Variants in MACROD2 observed in about 807,000 individuals in gnomAD.
MACROD2 encodes mono-ADP ribosylhydrolase 2.
MACROD2 carries 36 observed loss-of-function variants against 70.4 expected under a neutral mutation model. The ratio of observed to expected loss-of-function variants is 0.51; its 90% CI spans 0.39 to 0.68. The LOEUF is 0.68. MACROD2 is among the 30% of genes least tolerant of loss of function. MACROD2 has a pLI of 0.00. For synonymous variants in MACROD2, 172 were observed against 178.8 expected (o/e 0.96, Z 0.30); for missense variants, 496 against 538.4 (o/e 0.92, Z 0.78).
At chr20:14,893,496 G>A (rs1019173983) in intron 5 of MACROD2, 6 of 151,774 alleles carry the variant, frequency 4.0e-5, no homozygotes, top group Non-Finnish European at 7.4e-5. Context: ...ATGCATACAC[G>A]GCTTTAAAAA....
At chr20:15,501,070 G>C (rs1347180086) in intron 8 of MACROD2, among the ~76,000 whole-genome samples, 1 of 152,192 alleles carries the variant, frequency 6.6e-6, no homozygotes, top group African/African-American at 2.4e-5. Context: ...ACATACTCAA[G>C]ATTGGAAAGT....
intron 7 of MACROD2, among the ~76,000 whole-genome samples, chr20:15,497,579 C>A (rs116470294): frequency 0.01 from 1,584 of 152,090 alleles, 24 homozygotes; most frequent in African/African-American, 0.036. Context: ...CGTGAGCCAC[C>A]GCACCTGGCC....
chr20:15,750,810 G>A (rs2051257461), intron 8 of MACROD2, among the ~76,000 whole-genome samples: 1 of 151,416 alleles, frequency 6.6e-6, no homozygotes, highest in African/African-American at 2.4e-5. Flanking sequence ...ATGAAATCCT[G>A]TCATTTGGGA....
intron 5 of MACROD2, among the ~76,000 whole-genome samples, chr20:15,133,079 A>T (rs1403341411): frequency 1.3e-5 from 2 of 152,092 alleles, no homozygotes; most frequent in African/African-American, 4.8e-5. Flanking sequence ...ATATATTTTT[A>T]AAAGCCTGAA....
intron 3 of MACROD2, among the ~76,000 whole-genome samples, chr20:14,086,865 G>C (rs1392589609): frequency 2.0e-5 from 3 of 152,186 alleles, no homozygotes; most frequent in Non-Finnish European, 2.9e-5. Flanking sequence ...CAAAAGGGTA[G>C]GGGTAATTTC....
In MACROD2 at chr20:13,995,927, C is replaced by T. The variant is rs1427946952; in HGVS notation, c.46+118C>T. 46 of 1,195,776 alleles carry T rather than the reference C, an allele frequency of 3.8e-5. No homozygotes were observed. Among genetic ancestry groups the T allele is most frequent in the Non-Finnish European group, 5.4e-5 (45 of 834,718 alleles). 74.1% of individuals were successfully genotyped at this position (1,195,776 alleles called of 1,614,324 possible). A position where few individuals can be genotyped will look rare whatever the true frequency, so the allele number is the denominator to read the frequency against. On this transcript the variant is annotated intron_variant, in intron 1 of 17. Transcript: ENST00000684519. The surrounding 1 kb of genome is among the most constrained non-coding windows in gnomAD (Gnocchi z 4.3). ...AGCTCCCGCCTCGCGCCCTCCCGGC[C>T]GGTGCCGCCTCCCTCCGGTGTCCGT...
At chr20:15,545,782 G>A (rs1483956432) in intron 8 of MACROD2, among the ~76,000 whole-genome samples, 1 of 152,184 alleles carries the variant, frequency 6.6e-6, no homozygotes, top group Non-Finnish European at 1.5e-5. Context: ...AATATACCTG[G>A]AAGTATTGAC....
intron 3 of MACROD2, among the ~76,000 whole-genome samples, chr20:14,316,815 T>G (rs1208058123): frequency 6.6e-6 from 1 of 152,208 alleles, no homozygotes; most frequent in Non-Finnish European, 1.5e-5. Flanking sequence ...ACCACTATTC[T>G]GTTCCACACA....
chr20:15,426,266 T>G (rs922616674), intron 6 of MACROD2, among the ~76,000 whole-genome samples: 1 of 152,098 alleles, frequency 6.6e-6, no homozygotes, highest in Non-Finnish European at 1.5e-5. Context: ...CATGTTGGGC[T>G]ATAAAAGTAT....
At chr20:15,530,588 C>T (rs371744685) in intron 8 of MACROD2, among the ~76,000 whole-genome samples, 146 of 151,822 alleles carry the variant, frequency 9.6e-4, no homozygotes, top group African/African-American at 3.4e-3. Context: ...AAAAATTAGC[C>T]GGGCGTAGTG....
chr20:15,233,191 C>T (rs1159127286), intron 6 of MACROD2, among the ~76,000 whole-genome samples: 1 of 152,064 alleles, frequency 6.6e-6, no homozygotes, highest in East Asian at 1.9e-4. Flanking sequence ...AGGCATTGTT[C>T]TTTCTCTGCA....
At position 14,293,417 on chromosome 20, in the gene MACROD2, A is replaced by G. The variant is rs113018997; in HGVS notation, c.272-200062A>G. 1.8e-4 allele frequency among the ~76,000 whole-genome samples: 27 copies of G among 151,990 alleles called. 1 individual carries two copies. The highest frequency in any genetic ancestry group is 6.5e-4 in the African/African-American group (27 of 41,310). On this transcript the variant is annotated intron_variant, in intron 3 of 17. Coordinates refer to ENST00000684519, the MANE Select transcript of MACROD2 (RefSeq NM_001351661.2). ...GGGCTGTGGGTGCCTTATATTAGTA[A>G]GAATGATCAGAAAAAGCCTCTTTAA... is the stretch of plus-strand genomic sequence containing the variant.
At chr20:14,002,195 T>C (rs952002970) in intron 1 of MACROD2, 93 bp from the exon 2 acceptor site, 5 of 710,214 alleles carry the variant, frequency 7.0e-6, no homozygotes, top group Admixed American at 6.5e-5. Flanking sequence ...TCAACTCTTT[T>C]GTTAGCTTAA....
At chr20:14,468,819 G>A (rs1413981614) in intron 3 of MACROD2, among the ~76,000 whole-genome samples, 1 of 152,008 alleles carries the variant, frequency 6.6e-6, no homozygotes, top group Non-Finnish European at 1.5e-5. Flanking sequence ...CTCTATGTGT[G>A]TCATTACATG....
rs1237091503 is a variant in MACROD2 at position 15,080,882 on chromosome 20, G to T, written c.419-149058G>T. Among the ~76,000 whole-genome samples, 7 of 152,076 alleles carry T rather than the reference G, an allele frequency of 4.6e-5. No homozygotes were observed. In the East Asian group the frequency reaches 1.2e-3, roughly 25 times the overall value. ...CTTTTCTCCCTCTGTCTCTTCCTCT[G>T]TATCTCTTCTTTCTCGCCTTTTCTC... On this transcript the variant is annotated intron_variant, in intron 5 of 17. Coordinates refer to ENST00000684519, the MANE Select transcript of MACROD2 (RefSeq NM_001351661.2).
At chr20:14,217,411 G>A (rs1294809514) in intron 3 of MACROD2, among the ~76,000 whole-genome samples, 1 of 152,104 alleles carries the variant, frequency 6.6e-6, no homozygotes, top group African/African-American at 2.4e-5. Flanking sequence ...CGGTTAGCAA[G>A]TATTTTGTTA....
intron 4 of MACROD2, among the ~76,000 whole-genome samples, chr20:14,589,972 T>C (rs1346436135): frequency 6.6e-6 from 1 of 152,196 alleles, no homozygotes; most frequent in African/African-American, 2.4e-5. Flanking sequence ...GGTGAAGTGT[T>C]ATATTGAGCC....
chr20:15,166,862 A>C (rs2076388061), intron 5 of MACROD2, among the ~76,000 whole-genome samples: 1 of 151,102 alleles, frequency 6.6e-6, no homozygotes, highest in African/African-American at 2.4e-5. Flanking sequence ...AAATTATTAA[A>C]TTTAAGTATT....
At chr20:15,771,738 C>T (rs1029457221) in intron 8 of MACROD2, among the ~76,000 whole-genome samples, 7 of 151,840 alleles carry the variant, frequency 4.6e-5, no homozygotes, top group Non-Finnish European at 1.0e-4. Flanking sequence ...TGACTAGAAA[C>T]CTCTCTTGTT....
Sources: allele counts gnomAD v4.1 joint callset (sites outside exome capture counted in the v4.1 genomes callset), GRCh38; gene constraint gnomAD v4.1.1; non-coding constraint Gnocchi (gnomAD v3.1); transcripts MANE v1.5; gene names NCBI Gene and HGNC (gene_info 2026-07-23, HGNC 2026-07-21).